SCYL3: variants seen among roughly 807,000 people sequenced by gnomAD.
The protein encoded by SCYL3 is SCY1 like pseudokinase 3.
In SCYL3, 35 loss-of-function variants were observed where a neutral mutation model predicts 73.8. That is an observed-to-expected ratio of 0.47 (90% CI 0.36 to 0.63). The LOEUF is 0.63. SCYL3 is among the 20% of genes least tolerant of loss of function. The pLI is 0.00. For synonymous variants in SCYL3, 277 were observed against 295.2 expected (o/e 0.94, Z 0.63); for missense variants, 712 against 798.9 (o/e 0.89, Z 1.31).
chr1:169,854,639 C>G lies in SCYL3; in HGVS notation c.1638G>C (p.Lys546Asn), dbSNP rs149664958. 1 of 1,613,972 alleles carries G rather than the reference C, an allele frequency of 6.2e-7. No individual in the cohort carries two copies. Among genetic ancestry groups the G allele is most frequent in the Non-Finnish European group, 8.5e-7 (1 of 1,179,988 alleles). ...TGAGTGAAAGCAAAGCAGGAATAGG[C>G]TTCTGCTCCCCTGAGGTAACAGGTT... Reference protein sequence around the residue: ...ATKPVTSGEQKPIPALLSLTE... With the variant: ...ATKPVTSGEQNPIPALLSLTE... The change falls in exon 12 of 13, where the codon AAG (lysine) becomes AAC (asparagine). Residue 546 changes from lysine to asparagine, a missense_variant. Lys to Asn is a moderately conservative substitution (Grantham distance 94, BLOSUM62 0). This residue lies in a region of SCYL3 where 370 missense variants were observed against 350.8 expected (regional missense o/e 1.05). Transcript: ENST00000367771.
intron 8 of SCYL3, among the ~76,000 whole-genome samples, chr1:169,865,951 T>C (rs1485360131): frequency 6.6e-6 from 1 of 152,188 alleles, no homozygotes; most frequent in East Asian, 1.9e-4. Flanking sequence ...ACTGTCCTTT[T>C]CATGCTACCC....
rs367793727 is a variant in SCYL3, at chr1:169,853,890, C to T, written c.2008-118G>A. On this transcript the variant is annotated intron_variant, in intron 12 of 12. Coordinates refer to ENST00000367771, the MANE Select transcript of SCYL3 (RefSeq NM_020423.7). The stretch of plus-strand genomic sequence containing the variant: ...TCTTTTGATGCCAGAAACACTACCT[C>T]GTACTAAGTAAAATAACTTAGAGCT... 118 of 1,091,906 alleles carry T rather than the reference C, an allele frequency of 1.1e-4. 1 individual carries two copies. In the East Asian group the frequency reaches 1.7e-3, roughly 16 times the overall value. The allele number at this position is 1,091,906 out of a possible 1,614,324, so 67.6% of individuals were successfully genotyped here. A position where few individuals can be genotyped will look rare whatever the true frequency, so the allele number is the denominator to read the frequency against.
At chr1:169,878,607 G>A in intron 3 of SCYL3, 27 bp downstream of exon 3, 1 of 1,556,130 alleles carries the variant, frequency 6.4e-7, no homozygotes, top group Non-Finnish European at 8.7e-7. Context: ...ATCAAAGTCT[G>A]TGATGCAGAC....
intron 1 of SCYL3, 52 bp from the exon 2 acceptor site, chr1:169,888,942 C>T: frequency 1.9e-6 from 2 of 1,058,596 alleles, no homozygotes; most frequent in Non-Finnish European, 2.6e-6. Context: ...TCTGCAACAT[C>T]AACAAGAGAT....
In SCYL3 at chr1:169,893,772, C is replaced by T. The variant is rs1157413232; in HGVS notation, c.-51+16G>A. ...TCCTGCAAGGACTGGGGGCGCAGCG[C>T]AGGGCTCCCTGTTACCTGCAGGAAG... On this transcript the variant is annotated intron_variant, in intron 1 of 12. Coordinates refer to ENST00000367771, the MANE Select transcript of SCYL3 (RefSeq NM_020423.7). 6.6e-6 allele frequency: 1 copy of T among 152,408 alleles called. No homozygotes were observed. The highest frequency in any genetic ancestry group is 1.5e-5 in the Non-Finnish European group (1 of 68,254). 9.4% of individuals were successfully genotyped at this position (152,408 alleles called of 1,614,324 possible).
At chr1:169,866,478 T>C (rs550688185) in intron 8 of SCYL3, among the ~76,000 whole-genome samples, 35 of 152,250 alleles carry the variant, frequency 2.3e-4, no homozygotes, top group Non-Finnish European at 4.0e-4. Flanking sequence ...CACTGCCACA[T>C]GCAAGGTGTA....
chr1:169,873,980 T>G (rs1260369125), intron 4 of SCYL3, among the ~76,000 whole-genome samples: 3 of 152,222 alleles, frequency 2.0e-5, no homozygotes, highest in Non-Finnish European at 4.4e-5. Flanking sequence ...CCTTTTCCTC[T>G]CCCCTTCATC....
In SCYL3 at chr1:169,855,800, C is replaced by G. The variant is rs759769942; in HGVS notation, c.1313-836G>C. ...ATATAAATTTAATATTTCTACCTGT[C>G]TGTAAAAGAGTATTGTAGTAATCTC... On this transcript the variant is annotated intron_variant, in intron 11 of 12. Coordinates refer to ENST00000367771, the MANE Select transcript of SCYL3 (RefSeq NM_020423.7). The G allele has an allele frequency of 4.1e-5, 66 of 1,611,972 alleles. No homozygotes were observed. The highest frequency in any genetic ancestry group is 4.8e-5 in the Non-Finnish European group (57 of 1,179,146).
intron 3 of SCYL3, among the ~76,000 whole-genome samples, chr1:169,876,652 C>A (rs1214510121): frequency 1.3e-5 from 2 of 151,980 alleles, no homozygotes; most frequent in South Asian, 2.1e-4. Context: ...TGATAAGGAC[C>A]ACCAGAAATA....
intron 4 of SCYL3, 34 bp from the exon 5 acceptor site, chr1:169,873,786 A>G: frequency 6.7e-7 from 1 of 1,489,970 alleles, no homozygotes; most frequent in Non-Finnish European, 9.3e-7. Context: ...AAAATGATTC[A>G]TACATATGTT....
chr1:169,870,184 T>C, intron 6 of SCYL3, 71 bp downstream of exon 6: 1 of 1,200,178 alleles, frequency 8.3e-7, no homozygotes, highest in East Asian at 2.4e-5. Context: ...GTCCTTTGAA[T>C]TCCACACAGA....
intron 10 of SCYL3, chr1:169,860,094 T>C (rs919216288): frequency 6.6e-6 from 1 of 152,206 alleles, no homozygotes; most frequent in African/African-American, 2.4e-5. Context: ...TTGGAAGTTA[T>C]GGGACAACCA....
chr1:169,863,754 T>TA (rs897026705), intron 9 of SCYL3, among the ~76,000 whole-genome samples: 53 of 152,192 alleles, frequency 3.5e-4, no homozygotes, highest in African/African-American at 1.0e-3. Context: ...GGTATCAAAG[T>TA]AGAGATATAA....
intron 11 of SCYL3, among the ~76,000 whole-genome samples, 197 bp downstream of exon 11, chr1:169,858,844 C>G (rs1659404242): frequency 6.6e-6 from 1 of 151,730 alleles, no homozygotes; most frequent in African/African-American, 2.4e-5. Context: ...ATCTGTGTGT[C>G]TTTTTGCAAG....
chr1:169,880,413 G>A lies in SCYL3; in HGVS notation c.166-1594C>T, dbSNP rs1209579857. On this transcript the variant is annotated intron_variant, in intron 2 of 12. Coordinates refer to ENST00000367771, the MANE Select transcript of SCYL3 (RefSeq NM_020423.7). ...AAAAAAATCTTAGAAGCAGCTAAAG[G>A]AAACACATTACATGGAGGAGAATGA... Among the ~76,000 whole-genome samples the A allele has an allele frequency of 9.9e-5, 9 of 90,992 alleles. No individual in the cohort carries two copies. In the East Asian group the frequency reaches 1.8e-3, roughly 18 times the overall value. 59.7% of individuals were successfully genotyped at this position (90,992 alleles called of 152,430 possible).
intron 5 of SCYL3, among the ~76,000 whole-genome samples, chr1:169,871,753 G>A (rs1660421999): frequency 6.6e-6 from 1 of 152,180 alleles, no homozygotes; most frequent in South Asian, 2.1e-4. Context: ...TGGAGATGAG[G>A]AACTTGTTGG....
At chr1:169,856,063 C>T (rs1659126914) in intron 11 of SCYL3, 4 of 935,618 alleles carry the variant, frequency 4.3e-6, no homozygotes, top group Non-Finnish European at 6.4e-6. Flanking sequence ...TATTTTTATA[C>T]ATATAAAGGA....
chr1:169,893,165 C>A (rs920957077), intron 1 of SCYL3, among the ~76,000 whole-genome samples: 15 of 152,234 alleles, frequency 9.9e-5, no homozygotes, highest in African/African-American at 3.4e-4. Context: ...CCCCAAAATT[C>A]GAGACCCGAC....
rs1034267323 is a variant in SCYL3, at chr1:169,853,056, T to TAACA, written c.*653_*656dup. 2.6e-5 allele frequency: 38 copies of TAACA among 1,484,898 alleles called. No homozygotes were observed. Among genetic ancestry groups the TAACA allele is most frequent in the African/African-American group, 1.5e-4 (11 of 71,338 alleles). The allele number at this position is 1,484,898 out of a possible 1,614,324, so 92.0% of individuals were successfully genotyped here. A position where few individuals can be genotyped will look rare whatever the true frequency, so the allele number is the denominator to read the frequency against. On this transcript the variant is annotated 3_prime_UTR_variant, in exon 13 of 13. Transcript: ENST00000367771. ...AAAATACTTATGTCTGTACATTTTC[T>TAACA]AACAGATATAAAACAAATTTTGTAA...
Sources: allele counts gnomAD v4.1 joint callset (sites outside exome capture counted in the v4.1 genomes callset), GRCh38; gene constraint gnomAD v4.1.1; regional missense constraint gnomAD v4.1.1; transcripts MANE v1.5; gene names NCBI Gene and HGNC (gene_info 2026-07-23, HGNC 2026-07-21).